The following NHSL3 variants were observed in gnomAD, a reference collection of about 807,000 sequenced individuals.
NHSL3 encodes NHS like 3.
At chr1:32,750,367 CAG>C in the NHSL3 span, among the ~76,000 whole-genome samples, 1 of 152,184 alleles carries the variant, frequency 6.6e-6, no homozygotes, top group African/African-American at 2.4e-5. Flanking sequence ...GCTCAGCTCA[CAG>C]AGGATTTAAA....
the NHSL3 span, among the ~76,000 whole-genome samples, chr1:32,743,006 C>T: frequency 1.3e-5 from 2 of 152,194 alleles, no homozygotes; most frequent in East Asian, 1.9e-4. Flanking sequence ...CTGGCCTGGA[C>T]GGGCAGCCTG....
chr1:32,770,834 C>A, the NHSL3 span: 18 of 1,605,312 alleles, frequency 1.1e-5, no homozygotes, highest in Non-Finnish European at 1.4e-5. This position sits in a 1 kb window ranked among gnomAD's most constrained non-coding sequence, Gnocchi z 8.3. Context: ...CCCTGTCCAC[C>A]CAACCCAGCC....
At chr1:32,764,346 T>G in the NHSL3 span, among the ~76,000 whole-genome samples, 1 of 152,208 alleles carries the variant, frequency 6.6e-6, no homozygotes, top group Non-Finnish European at 1.5e-5. Flanking sequence ...TTCCAGGCAC[T>G]GATTTAGCCT....
chr1:32,765,726 G>T, the NHSL3 span: 1 of 1,545,998 alleles, frequency 6.5e-7, no homozygotes. Context: ...CTGCTCTGGA[G>T]AGGCAGGGTG....
At chr1:32,751,101 G>A in the NHSL3 span, among the ~76,000 whole-genome samples, 2 of 152,242 alleles carry the variant, frequency 1.3e-5, no homozygotes, top group East Asian at 1.9e-4. Flanking sequence ...ATGAGCCACC[G>A]TGCCTGGCCT....
chr1:32,755,900 G>A, the NHSL3 span, among the ~76,000 whole-genome samples: 1 of 152,160 alleles, frequency 6.6e-6, no homozygotes, highest in African/African-American at 2.4e-5. Context: ...CTCTTCATCT[G>A]TCCTCTGATG....
chr1:32,770,392 C>T, the NHSL3 span: 22 of 1,607,820 alleles, frequency 1.4e-5, no homozygotes, highest in African/African-American at 1.2e-4. This position sits in a 1 kb window ranked among gnomAD's most constrained non-coding sequence, Gnocchi z 8.3. Flanking sequence ...CCCACAGCCC[C>T]GCAGCCGCCA....
At chr1:32,765,677 C>A in the NHSL3 span, 283 of 1,537,872 alleles carry the variant, frequency 1.8e-4, no homozygotes, top group African/African-American at 3.6e-3. Flanking sequence ...GGCTCGCATC[C>A]CCATAGTGCT....
At chr1:32,759,591 A>G in the NHSL3 span, among the ~76,000 whole-genome samples, 1 of 151,938 alleles carries the variant, frequency 6.6e-6, no homozygotes, top group Non-Finnish European at 1.5e-5. Context: ...GCCCCCCATT[A>G]TTTACCTTAG....
At chr1:32,772,034 C>T in the NHSL3 span, 2 of 1,605,202 alleles carry the variant, frequency 1.2e-6, no homozygotes, top group Non-Finnish European at 1.7e-6. Context: ...AGTGCTCAGC[C>T]CAACGGACCG....
At chr1:32,767,950 A>G in the NHSL3 span, 1 of 1,613,442 alleles carries the variant, frequency 6.2e-7, no homozygotes, top group Non-Finnish European at 8.5e-7. Context: ...GCTCCCTACA[A>G]CACCAAGGTA....
chr1:32,770,195 G>A, the NHSL3 span: 1 of 1,604,290 alleles, frequency 6.2e-7, no homozygotes, highest in Non-Finnish European at 8.5e-7. This position sits in a 1 kb window ranked among gnomAD's most constrained non-coding sequence, Gnocchi z 8.3. Flanking sequence ...GAGCCCCTGA[G>A]CCCGGCCATG....
the NHSL3 span, chr1:32,771,691 G>C: frequency 6.2e-7 from 1 of 1,611,754 alleles, no homozygotes; most frequent in Non-Finnish European, 8.5e-7. Context: ...CCCTCCTCCA[G>C]CTCCGCCAGC....
chr1:32,747,849 G>A, the NHSL3 span, among the ~76,000 whole-genome samples: 1 of 152,148 alleles, frequency 6.6e-6, no homozygotes, highest in Non-Finnish European at 1.5e-5. Context: ...GCTCACGCCT[G>A]TAATCCCAGT....
chr1:32,761,343 T>C, the NHSL3 span, among the ~76,000 whole-genome samples: 12 of 152,052 alleles, frequency 7.9e-5, no homozygotes, highest in African/African-American at 2.9e-4. Context: ...GGCTGCGAGC[T>C]CTGACTTGGG....
chr1:32,773,873 A>C, the NHSL3 span: 2 of 152,716 alleles, frequency 1.3e-5, no homozygotes, highest in East Asian at 3.9e-4. Context: ...CTCTCTCCTC[A>C]TTTCGGTGCA....
At chr1:32,756,509 T>C in the NHSL3 span, among the ~76,000 whole-genome samples, 1 of 89,200 alleles carries the variant, frequency 1.1e-5, no homozygotes, top group Non-Finnish European at 2.0e-5. Flanking sequence ...AATAAAACAG[T>C]ATCTGGGCGT....
the NHSL3 span, among the ~76,000 whole-genome samples, chr1:32,766,453 G>A: frequency 6.6e-6 from 1 of 152,032 alleles, no homozygotes; most frequent in Non-Finnish European, 1.5e-5. Flanking sequence ...CCTACTGCTG[G>A]GTGACCTTAG....
At chr1:32,755,016 T>C in the NHSL3 span, among the ~76,000 whole-genome samples, 2 of 151,484 alleles carry the variant, frequency 1.3e-5, no homozygotes, top group Admixed American at 6.6e-5. Flanking sequence ...CCTTGCCGGC[T>C]GCTGCGGGAT....
Sources: allele counts gnomAD v4.1 joint callset (sites outside exome capture counted in the v4.1 genomes callset), GRCh38; gene constraint gnomAD v4.1.1; non-coding constraint Gnocchi (gnomAD v3.1); transcripts MANE v1.5; gene names NCBI Gene and HGNC (gene_info 2026-07-23, HGNC 2026-07-21).